DPP6: variants seen among roughly 807,000 people sequenced by gnomAD.
DPP6 encodes dipeptidyl peptidase like 6, also known as A-type potassium channel modulatory protein DPP6.
In DPP6, 69 loss-of-function variants were observed where a neutral mutation model predicts 122.6. The ratio of observed to expected loss-of-function variants is 0.56; its 90% CI spans 0.46 to 0.69. The LOEUF (loss-of-function observed/expected upper bound fraction) is 0.69. Among genes scored for constraint, DPP6 ranks in the 30% least tolerant of loss-of-function variants. The probability of loss-of-function intolerance (pLI) is 0.00; values close to 1 mark genes in which losing one functional copy is unlikely to be tolerated. For missense variants in DPP6, 928 were observed against 1,116.9 expected (o/e 0.83, Z 2.41); for synonymous variants, 418 against 433.1 (o/e 0.97, Z 0.43).
intron 16 of DPP6, among the ~76,000 whole-genome samples, chr7:154,811,100 T>TTTAAA (rs2150475395): frequency 6.6e-6 from 1 of 152,362 alleles, no homozygotes; most frequent in African/African-American, 2.4e-5. Context: ...TCTACAAAAT[T>TTTAAA]GCTCTTTAAA....
chr7:154,063,396 G>A (rs1327548920), intron 1 of DPP6, among the ~76,000 whole-genome samples: 1 of 131,546 alleles, frequency 7.6e-6, no homozygotes, highest in Admixed American at 7.9e-5. Context: ...GGGACTGAGA[G>A]CTATCCCCTC....
intron 7 of DPP6, among the ~76,000 whole-genome samples, chr7:154,727,564 G>A (rs1842124441): frequency 6.6e-6 from 1 of 152,166 alleles, no homozygotes; most frequent in South Asian, 2.1e-4. Flanking sequence ...GAAGAATGTG[G>A]AATTTCAGCC....
At chr7:154,432,560 C>T (rs1818514281) in intron 1 of DPP6, among the ~76,000 whole-genome samples, 3 of 152,136 alleles carry the variant, frequency 2.0e-5, no homozygotes, top group South Asian at 2.1e-4. Flanking sequence ...CCATCGGGAC[C>T]GAAACTGCTC....
At chr7:153,845,449 T>C in the DPP6 span, among the ~76,000 whole-genome samples, 3 of 152,000 alleles carry the variant, frequency 2.0e-5, no homozygotes, top group Admixed American at 1.3e-4. Context: ...GATCAGTTTA[T>C]CCTATTATTT....
intron 7 of DPP6, among the ~76,000 whole-genome samples, chr7:154,721,163 C>A (rs1049447316): frequency 3.3e-5 from 5 of 152,222 alleles, no homozygotes; most frequent in African/African-American, 9.6e-5. Context: ...TCACACTTTT[C>A]ATTTATTTAG....
the DPP6 span, among the ~76,000 whole-genome samples, chr7:153,827,464 C>T: frequency 0.021 from 3,208 of 152,236 alleles, 110 homozygotes; most frequent in African/African-American, 0.072. Context: ...GGCAGACCAC[C>T]TGGGGAGCTT....
Position 154,483,401 on chromosome 7 carries a change from T to TTTTTTTTTA in DPP6, c.457+8364_457+8365insTTTTTTTTA, listed in dbSNP as rs61038137. On this transcript the variant is annotated intron_variant, in intron 3 of 25. Coordinates refer to ENST00000377770, the MANE Select transcript of DPP6 (RefSeq NM_130797.4). This position sits in a 1 kb window ranked among gnomAD's most constrained non-coding sequence, Gnocchi z 8.1. ...AGGCACAATACAATTTTTTTTTTTT[T>TTTTTTTTTA]AAAAGCATTTATTTGAGCAAACAGT... is the stretch of plus-strand genomic sequence containing the variant. 1.3e-5 allele frequency among the ~76,000 whole-genome samples: 2 copies of TTTTTTTTTA among 151,248 alleles called. No homozygotes were observed. Among genetic ancestry groups the TTTTTTTTTA allele is most frequent in the African/African-American group, 4.9e-5 (2 of 41,130 alleles).
the DPP6 span, among the ~76,000 whole-genome samples, chr7:153,797,561 T>C: frequency 6.6e-6 from 1 of 152,170 alleles, no homozygotes; most frequent in Non-Finnish European, 1.5e-5. Flanking sequence ...AGTTGTGTCT[T>C]TCTATTTCAA....
rs59605527 is a variant in DPP6 at position 153,918,566 on chromosome 7, GTCTCTCTCTCTCTC to G, written c.51+30872_51+30885del. On this transcript the variant is annotated intron_variant, in intron 1 of 25. Transcript: ENST00000404039. ...ACACACACACACACACACACACACA[GTCTCTCTCTCTCTC>G]TCTCTCTCTCTCTCTCTCTCTCTCT... Among the ~76,000 whole-genome samples the G allele has an allele frequency of 1.9e-3, 203 of 104,428 alleles. 1 individual carries two copies. Among genetic ancestry groups the G allele is most frequent in the Middle Eastern group, 6.0e-3 (1 of 168 alleles). 68.5% of individuals were successfully genotyped at this position (104,428 alleles called of 152,430 possible).
intron 1 of DPP6, among the ~76,000 whole-genome samples, chr7:154,408,023 C>A (rs1000321501): frequency 6.6e-6 from 1 of 152,166 alleles, no homozygotes; most frequent in South Asian, 2.1e-4. Flanking sequence ...ACCAACCTGG[C>A]ACTTACTGAG....
chr7:154,523,464 C>A (rs1328807531), intron 3 of DPP6, among the ~76,000 whole-genome samples: 1 of 152,150 alleles, frequency 6.6e-6, no homozygotes, highest in Non-Finnish European at 1.5e-5. Flanking sequence ...CATACATCCA[C>A]AGGAACATCA....
At chr7:154,305,335 T>TGGGGGGCCCC in intron 1 of DPP6, 1 of 1,024,758 alleles carries the variant, frequency 9.8e-7, no homozygotes. Flanking sequence ...TCGTCTTGTC[T>TGGGGGGCCCC]ACCCACCCTC....
the DPP6 span, among the ~76,000 whole-genome samples, chr7:153,780,976 T>TTAA: frequency 1.3e-5 from 2 of 151,920 alleles, no homozygotes; most frequent in South Asian, 4.2e-4. Flanking sequence ...ATGAATTTTT[T>TTAA]AAAAAAATGG....
At chr7:154,672,893 G>C (rs1002837502) in intron 7 of DPP6, among the ~76,000 whole-genome samples, 1 of 152,188 alleles carries the variant, frequency 6.6e-6, no homozygotes, top group African/African-American at 2.4e-5. Context: ...GCTGCAGACA[G>C]TATAGACAAG....
intron 1 of DPP6, among the ~76,000 whole-genome samples, chr7:154,198,856 G>A (rs77478338): frequency 0.024 from 3,678 of 152,172 alleles, 173 homozygotes; most frequent in African/African-American, 0.083. Flanking sequence ...GACGAGGGTG[G>A]GTTGAGTTGG....
At chr7:154,280,029 T>C (rs762056716) in intron 1 of DPP6, among the ~76,000 whole-genome samples, 7 of 152,202 alleles carry the variant, frequency 4.6e-5, no homozygotes, top group Non-Finnish European at 8.8e-5. Flanking sequence ...CAGGACATTT[T>C]GAAAGAAAAG....
chr7:154,826,648 C>T (rs145651841), intron 16 of DPP6, among the ~76,000 whole-genome samples: 1 of 152,064 alleles, frequency 6.6e-6, no homozygotes, highest in Non-Finnish European at 1.5e-5. Flanking sequence ...AACGACAAAG[C>T]CTAAATAGGG....
chr7:154,511,955 T>A (rs11767475), intron 3 of DPP6, among the ~76,000 whole-genome samples: 22,903 of 152,212 alleles, frequency 0.15, 1,850 homozygotes, highest in Admixed American at 0.23. Flanking sequence ...GGACTAACAT[T>A]TGCCATAAAC....
chr7:154,618,162 G>A lies in DPP6; in HGVS notation c.628-19659G>A, dbSNP rs1834390438. On this transcript the variant is annotated intron_variant, in intron 5 of 25. Transcript: ENST00000377770. The surrounding 1 kb of genome is among the most constrained non-coding windows in gnomAD (Gnocchi z 4.1). ...CTGCTGGAAGGTTCCAGAGCTGTAT[G>A]ATCCCGGAATTGTACCCTGTGAAAA... 6.6e-6 allele frequency among the ~76,000 whole-genome samples: 1 copy of A among 152,162 alleles called. No homozygotes were observed. Among genetic ancestry groups the A allele is most frequent in the Admixed American group, 6.5e-5 (1 of 15,286 alleles).
Sources: allele counts gnomAD v4.1 joint callset (sites outside exome capture counted in the v4.1 genomes callset), GRCh38; gene constraint gnomAD v4.1.1; non-coding constraint Gnocchi (gnomAD v3.1); transcripts MANE v1.5; gene names NCBI Gene and HGNC (gene_info 2026-07-23, HGNC 2026-07-21).